The following ADCK1 variants were observed in gnomAD, a reference collection of about 807,000 sequenced individuals.
The protein encoded by ADCK1 is aarF domain containing kinase 1.
In ADCK1, 41 loss-of-function variants were observed where a neutral mutation model predicts 52.3. The observed-to-expected ratio is 0.78, with a 90% CI of 0.61 to 1.02. ADCK1 has a LOEUF of 1.02. Ranked by LOEUF, ADCK1 falls within the 50% of genes least tolerant of loss-of-function variation. ADCK1 has a pLI of 0.00. For missense variants in ADCK1, 658 were observed against 679.5 expected (o/e 0.97, Z 0.35); for synonymous variants, 250 against 274.6 (o/e 0.91, Z 0.89).
rs554536090 is a variant in ADCK1, at chr14:77,858,323, C to T, written c.220-753C>T. 5.3e-5 allele frequency among the ~76,000 whole-genome samples: 8 copies of T among 152,042 alleles called. No individual in the cohort carries two copies. The East Asian group carries it at 7.8e-4, about 15-fold the overall frequency. On this transcript the variant is annotated intron_variant, in intron 3 of 10. Transcript: ENST00000238561. ...TATGATCTCGGCTCACTGCAACCTC[C>T]GCCTCCTGGGTTCAAGCAATTCTCT... is the stretch of plus-strand genomic sequence containing the variant.
chr14:77,836,171 G>A (rs1180869216), intron 3 of ADCK1, among the ~76,000 whole-genome samples: 1 of 152,156 alleles, frequency 6.6e-6, no homozygotes, highest in Non-Finnish European at 1.5e-5. Context: ...CCCTTTCATG[G>A]GCTCTCTGAC....
chr14:77,865,190 C>T (rs1371009983), intron 4 of ADCK1, among the ~76,000 whole-genome samples: 2 of 151,694 alleles, frequency 1.3e-5, no homozygotes, highest in African/African-American at 2.4e-5. Context: ...TAAAAATACC[C>T]TCACACAGCT....
intron 1 of ADCK1, among the ~76,000 whole-genome samples, chr14:77,804,555 G>C (rs2081178651): frequency 6.6e-6 from 1 of 151,754 alleles, no homozygotes; most frequent in Non-Finnish European, 1.5e-5. Context: ...CAGGGGACAG[G>C]TGTGGAGGTT....
In ADCK1 at chr14:77,819,978, C is replaced by G. The variant is rs150231894; in HGVS notation, c.135+865C>G. On this transcript the variant is annotated intron_variant, in intron 2 of 10. Transcript: ENST00000238561. ...GCCTGTCTTCAAGGCTGAGCTGAGT[C>G]GTAGAACCAATACTGACAGATAGAC... is the stretch of plus-strand genomic sequence containing the variant. Among the ~76,000 whole-genome samples the G allele has an allele frequency of 1.8e-3, 267 of 152,278 alleles. 2 individuals carry two copies. The highest frequency in any genetic ancestry group is 6.2e-3 in the African/African-American group (256 of 41,556).
At chr14:77,933,181 C>CT (rs777120956) in intron 10 of ADCK1, 39 bp from the exon 11 acceptor site, 9 of 1,602,204 alleles carry the variant, frequency 5.6e-6, no homozygotes, top group Non-Finnish European at 7.7e-6. Flanking sequence ...TTTCTTGCCT[C>CT]TTTATCTCTT....
chr14:77,925,778 A>G lies in ADCK1; in HGVS notation c.1023A>G (p.Glu341=), dbSNP rs1484144341. ...DHGLYQMLTE[E]FRLNYCHLWQ... ...CTCCACCCTAGATGCTCACGGAAGA[A>G]TTCCGCCTGAATTACTGCCACCTCT... The change falls in exon 9 of 11, where the codon GAA becomes GAG. Residue 341 remains glutamate, a synonymous_variant. Transcript: ENST00000238561. The G allele has an allele frequency of 1.2e-6, 2 of 1,614,062 alleles. No homozygotes were observed.
At chr14:77,856,127 T>C (rs889927720) in intron 3 of ADCK1, among the ~76,000 whole-genome samples, 14 of 152,112 alleles carry the variant, frequency 9.2e-5, no homozygotes, top group Non-Finnish European at 5.9e-5. Context: ...GGAGAATCAC[T>C]TGAACCCGGA....
At chr14:77,899,516 C>A (rs1290290690) in intron 6 of ADCK1, among the ~76,000 whole-genome samples, 1 of 152,238 alleles carries the variant, frequency 6.6e-6, no homozygotes, top group Non-Finnish European at 1.5e-5. Context: ...CTACAAGACA[C>A]TGAGCCTTAG....
At chr14:77,878,423 C>T (rs776935897) in intron 4 of ADCK1, among the ~76,000 whole-genome samples, 80 of 152,370 alleles carry the variant, frequency 5.3e-4, no homozygotes, top group Admixed American at 1.3e-3. Context: ...CCGTGCAGGG[C>T]AAAGATATCC....
At chr14:77,879,267 A>G (rs1206363230) in intron 4 of ADCK1, among the ~76,000 whole-genome samples, 7 of 152,218 alleles carry the variant, frequency 4.6e-5, no homozygotes, top group Non-Finnish European at 1.0e-4. Flanking sequence ...TGCAGTGCTG[A>G]GCAAAAGCAG....
intron 3 of ADCK1, among the ~76,000 whole-genome samples, chr14:77,850,807 C>T (rs867996487): frequency 9.2e-5 from 14 of 151,722 alleles, no homozygotes; most frequent in Middle Eastern, 6.8e-3. Flanking sequence ...CCCGCCACCA[C>T]GCCTGGCTAA....
Position 77,891,799 on chromosome 14 carries a change from C to T in ADCK1, c.582+4550C>T, listed in dbSNP as rs1301456899. ...GTAACACTGCCATCTCACTGGGCTT[C>T]GTCTCTGGTGGGAAAAGTCCTGCCT... On this transcript the variant is annotated intron_variant, in intron 5 of 10. Coordinates refer to ENST00000238561, the MANE Select transcript of ADCK1 (RefSeq NM_020421.4). Among the ~76,000 whole-genome samples the T allele has an allele frequency of 2.6e-5, 4 of 152,116 alleles. 1 individual carries two copies. The highest frequency in any genetic ancestry group is 4.1e-4 in the South Asian group (2 of 4,822).
At chr14:77,862,149 TCAGCTAGTATTAC>T (rs1203515230) in intron 4 of ADCK1, among the ~76,000 whole-genome samples, 1 of 152,216 alleles carries the variant, frequency 6.6e-6, no homozygotes, top group Non-Finnish European at 1.5e-5. Context: ...TGGAAGTTTC[TCAGCTAGTATTAC>T]CAGAAAGAAA....
chr14:77,810,413 C>G (rs933854137), intron 1 of ADCK1, among the ~76,000 whole-genome samples: 1 of 152,136 alleles, frequency 6.6e-6, no homozygotes, highest in Non-Finnish European at 1.5e-5. Flanking sequence ...CCACGCCTGG[C>G]CAGTTAATTC....
chr14:77,900,922 C>T (rs2083524089), intron 6 of ADCK1, among the ~76,000 whole-genome samples: 1 of 152,110 alleles, frequency 6.6e-6, no homozygotes. Context: ...TATGAAGTCG[C>T]AGCTGTCAGT....
chr14:77,929,630 C>T lies in ADCK1; in HGVS notation c.1207-1888C>T, dbSNP rs147125357. On this transcript the variant is annotated intron_variant, in intron 9 of 10. Transcript: ENST00000238561. ...TGCTGGGGCCAGGGAGGGGCTGCAC[C>T]TCCCTATGGAGCATGACCCCAAGGG... is the stretch of plus-strand genomic sequence containing the variant. Among the ~76,000 whole-genome samples, 67 of 152,230 alleles carry T rather than the reference C, an allele frequency of 4.4e-4. 1 individual carries two copies. In the East Asian group the frequency reaches 5.8e-3, roughly 13 times the overall value.
chr14:77,857,458 A>T (rs998212848), intron 3 of ADCK1, among the ~76,000 whole-genome samples: 1 of 152,148 alleles, frequency 6.6e-6, no homozygotes, highest in Admixed American at 6.5e-5. Context: ...GCTATCAAAC[A>T]TTGAATTTAT....
intron 4 of ADCK1, among the ~76,000 whole-genome samples, chr14:77,877,142 G>A (rs1204267371): frequency 6.6e-6 from 1 of 152,210 alleles, no homozygotes; most frequent in African/African-American, 2.4e-5. Flanking sequence ...TTGCACCTGG[G>A]AGGTGGAGGC....
intron 3 of ADCK1, among the ~76,000 whole-genome samples, chr14:77,832,384 T>G (rs760918597): frequency 1.1e-4 from 17 of 152,198 alleles, no homozygotes; most frequent in Non-Finnish European, 2.5e-4. Context: ...CACTTTATAC[T>G]CTGTCGTTTC....
Sources: gnomAD v4.1 joint callset for allele counts (sites outside exome capture counted in the v4.1 genomes callset) on GRCh38, gnomAD v4.1.1 for gene constraint, MANE v1.5 for transcripts, NCBI Gene and HGNC (gene_info 2026-07-23, HGNC 2026-07-21) for gene names.